Variants in DDC observed in about 807,000 individuals in gnomAD.
DDC encodes the protein aromatic-L-amino-acid decarboxylase.
A neutral mutation model predicts 60.0 loss-of-function variants in DDC; 43 were observed. The observed-to-expected ratio is 0.72, with a 90% CI of 0.56 to 0.92. DDC has a LOEUF of 0.92. Ranked by LOEUF, DDC falls within the 40% of genes least tolerant of loss-of-function variation. DDC has a pLI of 0.00. For synonymous variants in DDC, 232 were observed against 234.6 expected (o/e 0.99, Z 0.10); for missense variants, 573 against 620.2 (o/e 0.92, Z 0.81).
intron 6 of DDC, among the ~76,000 whole-genome samples, chr7:50,522,651 G>A (rs754252161): frequency 6.6e-6 from 1 of 152,208 alleles, no homozygotes; most frequent in Non-Finnish European, 1.5e-5. Context: ...ATTCAATGGA[G>A]GAAGTGTAGT....
At chr7:50,560,859 C>T (rs1332901931) in intron 1 of DDC, among the ~76,000 whole-genome samples, 1 of 152,284 alleles carries the variant, frequency 6.6e-6, no homozygotes, top group East Asian at 1.9e-4. Context: ...ACACTGAATG[C>T]TCAGCTGTCC....
intron 1 of DDC, among the ~76,000 whole-genome samples, chr7:50,555,551 A>G (rs1374682942): frequency 6.6e-6 from 1 of 152,142 alleles, no homozygotes; most frequent in Non-Finnish European, 1.5e-5. Context: ...ACACATACGC[A>G]CACACACTTG....
intron 10 of DDC, among the ~76,000 whole-genome samples, chr7:50,477,118 T>C (rs969514029): frequency 2.0e-4 from 31 of 152,228 alleles, no homozygotes; most frequent in African/African-American, 7.5e-4. Flanking sequence ...GTTCAGTATC[T>C]GGGACAGAGC....
chr7:50,467,906 G>A (rs2042433882), intron 12 of DDC, among the ~76,000 whole-genome samples: 1 of 152,206 alleles, frequency 6.6e-6, no homozygotes, highest in Non-Finnish European at 1.5e-5. Flanking sequence ...CCTAGAGCTG[G>A]GCATCCTGTC....
intron 9 of DDC, chr7:50,492,702 T>TG: frequency 1.6e-6 from 1 of 642,070 alleles, no homozygotes; most frequent in Admixed American, 7.2e-5. Flanking sequence ...AATGGCCTTT[T>TG]CCAAATGGCC....
At chr7:50,564,163 T>C (rs559176098) in intron 1 of DDC, 1 of 152,328 alleles carries the variant, frequency 6.6e-6, no homozygotes, top group East Asian at 1.9e-4. Context: ...TGTCCCTGGT[T>C]TCAAAAATGT....
At chr7:50,535,830 T>C (rs1585251226) in intron 4 of DDC, among the ~76,000 whole-genome samples, 1 of 152,200 alleles carries the variant, frequency 6.6e-6, no homozygotes, top group East Asian at 1.9e-4. Context: ...GTGATTAAGT[T>C]AAGAAACTTG....
intron 9 of DDC, 105 bp downstream of exon 9, chr7:50,495,245 G>C: frequency 1.2e-6 from 1 of 815,706 alleles, no homozygotes; most frequent in Non-Finnish European, 2.2e-6. Context: ...AGCAAGCAGT[G>C]AGCTAAGTGA....
intron 6 of DDC, among the ~76,000 whole-genome samples, chr7:50,523,214 A>G (rs1368392891): frequency 6.6e-6 from 1 of 152,214 alleles, no homozygotes; most frequent in East Asian, 1.9e-4. Flanking sequence ...AAAACTATAA[A>G]TTTCCGAGAA....
intron 9 of DDC, 137 bp downstream of exon 9, chr7:50,495,213 C>A (rs2043101999): frequency 5.6e-6 from 4 of 715,642 alleles, no homozygotes; most frequent in Admixed American, 2.0e-5. Flanking sequence ...AGCAATAATT[C>A]CATCAAGGGT....
intron 4 of DDC, among the ~76,000 whole-genome samples, chr7:50,531,196 C>G (rs1331381147): frequency 1.3e-5 from 2 of 152,142 alleles, no homozygotes; most frequent in Non-Finnish European, 2.9e-5. Flanking sequence ...GGGGAGAAAC[C>G]AATTTTGGCT....
intron 14 of DDC, among the ~76,000 whole-genome samples, chr7:50,462,555 T>A (rs2042301512): frequency 6.6e-6 from 1 of 152,206 alleles, no homozygotes; most frequent in South Asian, 2.1e-4. Flanking sequence ...AAATTCCCTT[T>A]TTATTGTTTT....
chr7:50,536,047 C>T (rs2044398140), intron 4 of DDC, among the ~76,000 whole-genome samples: 2 of 152,180 alleles, frequency 1.3e-5, no homozygotes, highest in Non-Finnish European at 2.9e-5. Context: ...ACCTGCCTCC[C>T]ATTCTATTCC....
intron 6 of DDC, among the ~76,000 whole-genome samples, chr7:50,526,017 G>A (rs2044028384): frequency 6.6e-6 from 1 of 151,798 alleles, no homozygotes; most frequent in African/African-American, 2.4e-5. Context: ...AATGAGGAGA[G>A]GCAAACTTTG....
At chr7:50,460,662 G>A (rs1378181470) in intron 14 of DDC, among the ~76,000 whole-genome samples, 2 of 151,624 alleles carry the variant, frequency 1.3e-5, no homozygotes, top group Admixed American at 6.6e-5. Context: ...TGTCTGTGTA[G>A]AAAGAGGTAG....
chr7:50,543,891 C>A lies in DDC; in HGVS notation c.195G>T (p.Met65Ile). The change falls in exon 2 of 15, where the codon ATG (methionine) becomes ATT (isoleucine). Residue 65 changes from methionine to isoleucine, a missense_variant. Coordinates refer to ENST00000444124, the MANE Select transcript of DDC (RefSeq NM_001082971.2). ...DIINDVEKII[M>I]PGVTHWHSPY... Reference sequence around the variant, plus strand: ...ACCTTGGATACACACTTACCCCAGGCATGATTATCTTCTCAACGTCGTTGA... The same window carrying A: ...ACCTTGGATACACACTTACCCCAGGAATGATTATCTTCTCAACGTCGTTGA... 6.2e-7 allele frequency: 1 copy of A among 1,614,110 alleles called. No homozygotes were observed. Among genetic ancestry groups the A allele is most frequent in the Non-Finnish European group, 8.5e-7 (1 of 1,179,970 alleles).
chr7:50,497,163 G>A (rs1331189382), intron 8 of DDC, among the ~76,000 whole-genome samples: 1 of 152,166 alleles, frequency 6.6e-6, no homozygotes, highest in Non-Finnish European at 1.5e-5. Context: ...GCCACAACAG[G>A]ATATTGCAGC....
At chr7:50,495,840 C>T (rs2153539039) in intron 8 of DDC, among the ~76,000 whole-genome samples, 1 of 152,268 alleles carries the variant, frequency 6.6e-6, no homozygotes, top group East Asian at 1.9e-4. Flanking sequence ...CAGAATTGTC[C>T]TTCACAAGCA....
intron 11 of DDC, among the ~76,000 whole-genome samples, chr7:50,470,993 C>T (rs977992557): frequency 1.3e-5 from 2 of 152,210 alleles, no homozygotes; most frequent in African/African-American, 2.4e-5. Context: ...TGCAGCCAGG[C>T]GCGACACTCT....
Sources: gnomAD v4.1 joint callset for allele counts (sites outside exome capture counted in the v4.1 genomes callset) on GRCh38, gnomAD v4.1.1 for gene constraint, MANE v1.5 for transcripts, NCBI Gene and HGNC (gene_info 2026-07-23, HGNC 2026-07-21) for gene names.